The following CCAR1 variants were observed in gnomAD, a reference collection of about 807,000 sequenced individuals.
CCAR1 encodes the protein cell division cycle and apoptosis regulator 1.
In CCAR1, 78 loss-of-function variants were observed where a neutral mutation model predicts 163.8. That is an observed-to-expected ratio of 0.48 (90% confidence interval 0.40 to 0.57). The LOEUF (loss-of-function observed/expected upper bound fraction) is 0.57, where lower values mean the gene tolerates loss of function less well. Ranked by LOEUF, CCAR1 falls within the 20% of genes least tolerant of loss-of-function variation. The probability of loss-of-function intolerance (pLI) is 0.00; values close to 1 mark genes in which losing one functional copy is unlikely to be tolerated. For missense variants in CCAR1, 1,019 were observed against 1,365.2 expected (o/e 0.75, Z 4.00); for synonymous variants, 443 against 460.7 (o/e 0.96, Z 0.49).
chr10:68,733,879 G>A (rs1589155525), intron 2 of CCAR1, among the ~76,000 whole-genome samples: 1 of 152,034 alleles, frequency 6.6e-6, no homozygotes, highest in Non-Finnish European at 1.5e-5. Context: ...GGCCATGCTG[G>A]TCTCAAACTC....
chr10:68,732,666 C>A (rs968405061), intron 2 of CCAR1, among the ~76,000 whole-genome samples: 14 of 152,124 alleles, frequency 9.2e-5, no homozygotes, highest in African/African-American at 2.7e-4. Context: ...TTGTTCTTAA[C>A]CTTTCTAGGG....
chr10:68,736,879 C>T lies in CCAR1; in HGVS notation c.77C>T (p.Ala26Val), dbSNP rs943251524. ...FTATAVSQPA[A>V]LGVQQPSLLG... Reference sequence around the variant, plus strand: ...TTCCTTTTTGATTTCATTTTAGCTGCACTGGGTGTTCAACAGCCATCACTC... The same window carrying T: ...TTCCTTTTTGATTTCATTTTAGCTGTACTGGGTGTTCAACAGCCATCACTC... The change falls in exon 3 of 25, where the codon GCA becomes GTA. Residue 26 changes from alanine (A) to valine (V), a missense_variant. Physicochemically the swap from Ala to Val is moderately conservative, Grantham distance 64. Coordinates refer to ENST00000265872, the MANE Select transcript of CCAR1 (RefSeq NM_018237.4). The T allele has an allele frequency of 1.9e-6, 3 of 1,601,396 alleles. No homozygotes were observed. Among genetic ancestry groups the T allele is most frequent in the African/African-American group, 2.7e-5 (2 of 74,262 alleles).
chr10:68,740,635 C>G lies in CCAR1; in HGVS notation c.298C>G (p.Gln100Glu). ...ALYSVQQQLQ[Q>E]PQQTLLTQPA... ...TTTATTTTTCTGTTTTCAGTTACAG[C>G]AACCCCAGCAAACCCTCTTAACACA... Residue 100 changes from glutamine to glutamate, a missense_variant, in exon 5 of 25, where the codon CAA becomes GAA. Around this residue, in one of 4 missense-constraint regions of CCAR1, gnomAD observed 644 missense variants for 904.4 expected, o/e 0.71. Transcript: ENST00000265872. The G allele has an allele frequency of 6.2e-7, 1 of 1,611,046 alleles. No individual in the cohort carries two copies. Among genetic ancestry groups the G allele is most frequent in the Non-Finnish European group, 8.5e-7 (1 of 1,178,446 alleles).
At position 68,756,550 on chromosome 10, in the gene CCAR1, A is replaced by T; in HGVS notation, c.1836+67A>T. ...GGCACAGGAACACAGGCACAAATGC[A>T]CACCACACACTACATAATAAACACA... On this transcript the variant is annotated intron_variant, in intron 14 of 24. Transcript: ENST00000265872. This position sits in a 1 kb window ranked among gnomAD's most constrained non-coding sequence, Gnocchi z 5.1. The T allele has an allele frequency of 8.4e-7, 1 of 1,191,788 alleles. No homozygotes were observed. Among genetic ancestry groups the T allele is most frequent in the Non-Finnish European group, 1.2e-6 (1 of 819,288 alleles). The allele number at this position is 1,191,788 out of a possible 1,614,324, so 73.8% of individuals were successfully genotyped here.
chr10:68,751,317 A>T (rs375589586), intron 10 of CCAR1, among the ~76,000 whole-genome samples: 2 of 151,882 alleles, frequency 1.3e-5, no homozygotes, highest in East Asian at 1.9e-4. Flanking sequence ...GTGAGCCACC[A>T]TGCCTGGCCC....
At chr10:68,751,779 G>A (rs1377521633) in intron 10 of CCAR1, among the ~76,000 whole-genome samples, 7 of 151,740 alleles carry the variant, frequency 4.6e-5, no homozygotes, top group Middle Eastern at 3.4e-3. Flanking sequence ...CAGGAGAATC[G>A]CTTGAACCCG....
intron 17 of CCAR1, among the ~76,000 whole-genome samples, chr10:68,769,315 T>TAGAAA (rs1302904518): frequency 1.3e-5 from 2 of 152,104 alleles, no homozygotes; most frequent in Non-Finnish European, 2.9e-5. Context: ...GCAATGGACT[T>TAGAAA]TAGCCTTAGA....
intron 10 of CCAR1, among the ~76,000 whole-genome samples, chr10:68,751,686 A>C (rs1019429442): frequency 6.6e-6 from 1 of 151,558 alleles, no homozygotes. Flanking sequence ...AACATGGTGA[A>C]ACTCCATCTC....
At chr10:68,782,631 A>G (rs2056750040) in intron 19 of CCAR1, among the ~76,000 whole-genome samples, 1 of 152,202 alleles carries the variant, frequency 6.6e-6, no homozygotes, top group South Asian at 2.1e-4. Context: ...GGGCTAATGC[A>G]GCTTGTGACT....
chr10:68,747,689 G>A, intron 8 of CCAR1, 123 bp downstream of exon 8: 2 of 767,912 alleles, frequency 2.6e-6, no homozygotes, highest in Non-Finnish European at 4.2e-6. Context: ...ATCCTGAATA[G>A]GACACATCTA....
chr10:68,780,294 A>T (rs1474234436), intron 19 of CCAR1, among the ~76,000 whole-genome samples: 1 of 152,140 alleles, frequency 6.6e-6, no homozygotes, highest in African/African-American at 2.4e-5. Context: ...CTCCTGGCTC[A>T]TGTGATTCTC....
intron 17 of CCAR1, among the ~76,000 whole-genome samples, chr10:68,770,705 T>C (rs991119015): frequency 6.6e-6 from 1 of 152,106 alleles, no homozygotes; most frequent in Non-Finnish European, 1.5e-5. Flanking sequence ...ATCATGCCAC[T>C]GCACTCCAGT....
rs542766380 is a variant in CCAR1 at position 68,768,484 on chromosome 10, G to A, written c.2298+2405G>A. 1.4e-4 allele frequency among the ~76,000 whole-genome samples: 22 copies of A among 152,082 alleles called. No homozygotes were observed. The East Asian group carries it at 1.9e-3, about 13-fold the overall frequency. On this transcript the variant is annotated intron_variant, in intron 17 of 24. Transcript: ENST00000265872. ...AAATTAGCCAGGCTAGGTGATAGGC[G>A]CCTGTAATCCCAGCTACTCAGGACG...
chr10:68,747,177 AC>A lies in CCAR1; in HGVS notation c.541del (p.Gln181LysfsTer2). 1 of 1,583,380 alleles carries A rather than the reference AC, an allele frequency of 6.3e-7. No homozygotes were observed. Among genetic ancestry groups the A allele is most frequent in the Non-Finnish European group, 8.6e-7 (1 of 1,167,600 alleles). ...FFQLSAVKGKTPQVGDRVLVE... is the reference protein window; with the variant it reads ...FFQLSAVKGKXPQVGDRVLVE... ...TTTTTACAGTGCTGTCAAAGGGAAA[AC>A]CCCCCAAGTAGGTGACAGAGTATTG... On this transcript the variant is annotated frameshift_variant, in exon 7 of 25. Transcript: ENST00000265872.
chr10:68,783,750 T>C (rs534347243), intron 19 of CCAR1, among the ~76,000 whole-genome samples: 20 of 151,898 alleles, frequency 1.3e-4, no homozygotes, highest in Non-Finnish European at 2.8e-4. Flanking sequence ...ACTAAACTGA[T>C]GATTGTTTGC....
intron 20 of CCAR1, 125 bp downstream of exon 20, chr10:68,786,343 G>GT: frequency 1.3e-6 from 1 of 791,658 alleles, no homozygotes; most frequent in Non-Finnish European, 2.0e-6. Flanking sequence ...TCTGTCAGTT[G>GT]TTTTTTTGTG....
chr10:68,740,299 C>T (rs921942312), intron 4 of CCAR1, among the ~76,000 whole-genome samples: 21 of 152,286 alleles, frequency 1.4e-4, no homozygotes, highest in Non-Finnish European at 5.9e-5. Context: ...GAGTTACTTA[C>T]ATATGAGGTC....
At chr10:68,780,338 G>A (rs2056720780) in intron 19 of CCAR1, among the ~76,000 whole-genome samples, 2 of 152,038 alleles carry the variant, frequency 1.3e-5, no homozygotes, top group African/African-American at 4.8e-5. Context: ...AGGACTACAG[G>A]TGTGCACCAC....
chr10:68,765,802 A>C, intron 16 of CCAR1, 86 bp from the exon 17 acceptor site: 1 of 867,464 alleles, frequency 1.2e-6, no homozygotes, highest in South Asian at 1.8e-5. Context: ...TATTTATGAG[A>C]TATATATTCA....
Sources: gnomAD v4.1 joint callset for allele counts (sites outside exome capture counted in the v4.1 genomes callset) on GRCh38, gnomAD v4.1.1 for gene constraint, gnomAD v4.1.1 regional missense constraint, Gnocchi (gnomAD v3.1) non-coding constraint, MANE v1.5 for transcripts, NCBI Gene and HGNC (gene_info 2026-07-23, HGNC 2026-07-21) for gene names.